The following TENT4A variants were observed in gnomAD, a reference collection of about 807,000 sequenced individuals.
The protein encoded by TENT4A is terminal nucleotidyltransferase 4A.
Under a neutral mutation model 72.8 loss-of-function variants are expected in TENT4A, and 7 were observed. The ratio of observed to expected loss-of-function variants is 0.10; its 90% CI spans 0.05 to 0.18. The LOEUF (loss-of-function observed/expected upper bound fraction) is 0.18. Ranked by LOEUF, TENT4A falls within the 10% of genes least tolerant of loss-of-function variation. The probability of loss-of-function intolerance (pLI) is 1.00; values close to 1 mark genes in which losing one functional copy is unlikely to be tolerated. For missense variants in TENT4A, 831 were observed against 1,017.7 expected (o/e 0.82, Z 2.50); for synonymous variants, 456 against 434.3 (o/e 1.05, Z -0.62).
chr5:6,722,706 G>GT (rs76830139), intron 1 of TENT4A, among the ~76,000 whole-genome samples: 54,971 of 151,822 alleles, frequency 0.36, 10,024 homozygotes, highest in South Asian at 0.44. Context: ...GTTGGTTAAG[G>GT]TTTTTTTATT....
chr5:6,740,759 A>G (rs1741757180), intron 4 of TENT4A, among the ~76,000 whole-genome samples: 1 of 152,218 alleles, frequency 6.6e-6, no homozygotes, highest in African/African-American at 2.4e-5. Context: ...GCAGCACCAG[A>G]GGTTCCCTCC....
chr5:6,736,600 A>G (rs1217456086), intron 1 of TENT4A, among the ~76,000 whole-genome samples: 1 of 152,240 alleles, frequency 6.6e-6, no homozygotes, highest in Non-Finnish European at 1.5e-5. Context: ...AGAGGACGAC[A>G]GCACTTTTCC....
rs1307701166 is a variant in TENT4A at position 6,714,324 on chromosome 5, C to T, written c.341C>T (p.Ser114Phe). 1.2e-5 allele frequency: 13 copies of T among 1,119,990 alleles called. No individual in the cohort carries two copies. Among genetic ancestry groups the T allele is most frequent in the Non-Finnish European group, 1.3e-5 (12 of 917,404 alleles). The allele number at this position is 1,119,990 out of a possible 1,614,324, so 69.4% of individuals were successfully genotyped here. ...CCGTCGCTGTCGTCCTCGTCGTCGT[C>T]CTCCTCGTCCAACGCGGAGTCGGGC... The part of the protein sequence containing the change: ...KSPSLSSSSS[S>F]SSSNAESGTE... Residue 114 changes from serine (S) to phenylalanine (F), a missense_variant, in exon 1 of 13, where the codon TCC (serine) becomes TTC (phenylalanine). Around this residue, in one of 3 missense-constraint regions of TENT4A, gnomAD observed 302 missense variants for 293.8 expected, o/e 1.03. Coordinates refer to ENST00000230859, the MANE Select transcript of TENT4A (RefSeq NM_006999.6).
chr5:6,730,771 A>AAAAAG (rs1741172725), intron 1 of TENT4A, among the ~76,000 whole-genome samples: 1 of 151,892 alleles, frequency 6.6e-6, no homozygotes, highest in Non-Finnish European at 1.5e-5. Flanking sequence ...AAAAAAAAAA[A>AAAAAG]AAAGCCTTGA....
intron 1 of TENT4A, among the ~76,000 whole-genome samples, chr5:6,719,372 A>T (rs1021505667): frequency 2.0e-5 from 3 of 152,216 alleles, no homozygotes; most frequent in Admixed American, 1.3e-4. Context: ...AGAAAAAAAA[A>T]CAGCAAACCT....
intron 5 of TENT4A, among the ~76,000 whole-genome samples, chr5:6,743,436 C>A (rs1449612808): frequency 6.6e-6 from 1 of 152,166 alleles, no homozygotes; most frequent in African/African-American, 2.4e-5. Context: ...TGGTCTCTTC[C>A]TGAGTTCCTT....
chr5:6,741,093 GT>G (rs1313675170), intron 4 of TENT4A, among the ~76,000 whole-genome samples: 1 of 152,208 alleles, frequency 6.6e-6, no homozygotes, highest in African/African-American at 2.4e-5. Context: ...AGGCGCGGCT[GT>G]CCTGAGGCCA....
At chr5:6,747,184 TG>T (rs1247198949) in intron 7 of TENT4A, among the ~76,000 whole-genome samples, 1 of 152,232 alleles carries the variant, frequency 6.6e-6, no homozygotes, top group Non-Finnish European at 1.5e-5. Flanking sequence ...TTCTTACTGT[TG>T]GTGATAAAAT....
intron 1 of TENT4A, among the ~76,000 whole-genome samples, chr5:6,730,831 A>T (rs1109228): frequency 0.21 from 31,641 of 151,692 alleles, 3,642 homozygotes; most frequent in Non-Finnish European, 0.26. Flanking sequence ...TTGCCTTGTA[A>T]CATAATCAAA....
chr5:6,749,622 A>G lies in TENT4A; in HGVS notation c.1652A>G (p.Lys551Arg). The G allele has an allele frequency of 2.5e-6, 4 of 1,613,984 alleles. No individual in the cohort carries two copies. Among genetic ancestry groups the G allele is most frequent in the Non-Finnish European group, 3.4e-6 (4 of 1,179,848 alleles). Reference protein sequence around the residue: ...VIDYRRWIKEKWGSKAHPSPG... With the variant: ...VIDYRRWIKERWGSKAHPSPG... ...GACTACCGGAGGTGGATCAAAGAGA[A>G]GTGGGGCAGCAAAGCCCACCCGTCG... is the stretch of plus-strand genomic sequence containing the variant. The change falls in exon 9 of 13, where the codon AAG becomes AGG. Residue 551 changes from lysine (K) to arginine (R), a missense_variant. By Grantham distance (26) the Lys-to-Arg change is conservative (BLOSUM62 2). This residue lies in a region of TENT4A where 197 missense variants were observed against 399.6 expected (regional missense o/e 0.49). Transcript: ENST00000230859.
In TENT4A at chr5:6,751,062, A is replaced by G. The variant is rs2126657337; in HGVS notation, c.1884A>G (p.Thr628=). 2 of 1,614,158 alleles carry G rather than the reference A, an allele frequency of 1.2e-6. No individual in the cohort carries two copies. The highest frequency in any genetic ancestry group is 8.5e-7 in the Non-Finnish European group (1 of 1,180,030). Residue 628 remains threonine (T), a synonymous_variant, in exon 11 of 13, where the codon ACA becomes ACG. Coordinates refer to ENST00000230859, the MANE Select transcript of TENT4A (RefSeq NM_006999.6). ...AGGATTCAGACACACCGCCCTGCAC[A>G]ACGCCCAGTGTTTACCAGTTCAGTC... ...SDVDSDTPPC[T]TPSVYQFSLQ... is the part of the protein sequence containing the mutation.
chr5:6,737,632 A>T lies in TENT4A; in HGVS notation c.839A>T (p.Asp280Val). ...TVVKDLWPTA[D>V]VQIFGSFSTG... Reference sequence around the variant, plus strand: ...GTGAAAGACCTTTGGCCGACGGCTGATGTGAGTATGTTCTTTGGAGTTCTG... The same window carrying T: ...GTGAAAGACCTTTGGCCGACGGCTGTTGTGAGTATGTTCTTTGGAGTTCTG... Residue 280 changes from aspartate to valine, a missense_variant and splice_region_variant, in exon 2 of 13, where the codon GAT becomes GTT. This residue lies in a region of TENT4A where 197 missense variants were observed against 399.6 expected (regional missense o/e 0.49). Transcript: ENST00000230859. 1 of 1,613,684 alleles carries T rather than the reference A, an allele frequency of 6.2e-7. No homozygotes were observed. Among genetic ancestry groups the T allele is most frequent in the Non-Finnish European group, 8.5e-7 (1 of 1,179,902 alleles).
Position 6,750,497 on chromosome 5 carries a change from T to G in TENT4A, c.1854T>G (p.Ser618Arg). ...SASSVSSLSG[S>R]DVDSDTPPCT... The stretch of plus-strand genomic sequence containing the variant: ...CTTCTGTGTCTTCACTTTCTGGGAG[T>G]GACGTTGTAAGTGCCCTCCCCTCCT... The change falls in exon 10 of 13, where the codon AGT becomes AGG. Residue 618 changes from serine to arginine, a missense_variant. By Grantham distance (110) the Ser-to-Arg change is moderately radical. Transcript: ENST00000230859. 6.3e-7 allele frequency: 1 copy of G among 1,592,716 alleles called. No homozygotes were observed. Among genetic ancestry groups the G allele is most frequent in the Non-Finnish European group, 8.5e-7 (1 of 1,170,264 alleles).
intron 4 of TENT4A, among the ~76,000 whole-genome samples, chr5:6,741,808 A>G (rs746717156): frequency 4.6e-5 from 7 of 152,214 alleles, no homozygotes; most frequent in Non-Finnish European, 7.3e-5. Flanking sequence ...GGTTAAAGGA[A>G]TTCCTTTTTT....
chr5:6,720,144 C>T (rs920405096), intron 1 of TENT4A, among the ~76,000 whole-genome samples: 1 of 152,156 alleles, frequency 6.6e-6, no homozygotes, highest in Non-Finnish European at 1.5e-5. Context: ...TGATGTTTTC[C>T]GCCAGCTGGA....
intron 1 of TENT4A, among the ~76,000 whole-genome samples, chr5:6,716,426 G>A (rs1002904447): frequency 4.6e-5 from 7 of 152,166 alleles, no homozygotes; most frequent in African/African-American, 1.7e-4. Flanking sequence ...CATGCTGTTC[G>A]TTTGGCCCTT....
At chr5:6,726,347 A>C (rs947886279) in intron 1 of TENT4A, among the ~76,000 whole-genome samples, 2 of 152,132 alleles carry the variant, frequency 1.3e-5, no homozygotes, top group African/African-American at 4.8e-5. Flanking sequence ...CCTCATGCTC[A>C]TCATCAGGAG....
At chr5:6,736,269 C>CTTTA (rs1341238959) in intron 1 of TENT4A, among the ~76,000 whole-genome samples, 1 of 152,120 alleles carries the variant, frequency 6.6e-6, no homozygotes, top group African/African-American at 2.4e-5. Context: ...AGTGGCAATA[C>CTTTA]TTTAGGTGAC....
chr5:6,715,033 A>AAAGTGGGGCGTAGAT (rs1740294977), intron 1 of TENT4A: 1 of 171,666 alleles, frequency 5.8e-6, no homozygotes, highest in Non-Finnish European at 1.2e-5. Context: ...ACCCCTTGTC[A>AAAGTGGGGCGTAGAT]AAGTGGGGCG....
Sources: allele counts gnomAD v4.1 joint callset (sites outside exome capture counted in the v4.1 genomes callset), GRCh38; gene constraint gnomAD v4.1.1; regional missense constraint gnomAD v4.1.1; transcripts MANE v1.5; gene names NCBI Gene and HGNC (gene_info 2026-07-23, HGNC 2026-07-21).